RAB18: variants seen among roughly 807,000 people sequenced by gnomAD.
The protein encoded by RAB18 is ras-related protein Rab-18.
In RAB18, 10 loss-of-function variants were observed where a neutral mutation model predicts 28.5. The observed-to-expected ratio is 0.35, with a 90% CI of 0.22 to 0.60. RAB18 has a LOEUF of 0.60. Among genes scored for constraint, RAB18 ranks in the 20% least tolerant of loss-of-function variants. The probability of loss-of-function intolerance (pLI) is 0.78; values close to 1 mark genes in which losing one functional copy is unlikely to be tolerated. For synonymous variants in RAB18, 93 were observed against 86.9 expected (o/e 1.07, Z -0.39); for missense variants, 188 against 244.2 (o/e 0.77, Z 1.53).
intron 2 of RAB18, among the ~76,000 whole-genome samples, chr10:27,515,457 A>C (rs983606997): frequency 6.6e-6 from 1 of 152,188 alleles, no homozygotes; most frequent in Admixed American, 6.5e-5. Context: ...CTATTTTAAG[A>C]CTTATAATTG....
At position 27,506,760 on chromosome 10, in the gene RAB18, G is replaced by A. The variant is rs147075961; in HGVS notation, c.68+2323G>A. On this transcript the variant is annotated intron_variant, in intron 1 of 6. Transcript: ENST00000356940. Reference sequence around the variant, plus strand: ...GACACAAGGCATGACACCCAACCGAGGTTCTCCTTGTAGAGTAAGGCCTGT... The same window carrying A: ...GACACAAGGCATGACACCCAACCGAAGTTCTCCTTGTAGAGTAAGGCCTGT... Among the ~76,000 whole-genome samples the A allele has an allele frequency of 3.4e-3, 517 of 152,162 alleles. 3 individuals are homozygous for A. The highest frequency in any genetic ancestry group is 5.3e-3 in the Non-Finnish European group (361 of 68,020).
Position 27,540,908 on chromosome 10 carries a change from A to G in RAB18, c.*2857A>G. On this transcript the variant is annotated 3_prime_UTR_variant, in exon 7 of 7. Coordinates refer to ENST00000356940, the MANE Select transcript of RAB18 (RefSeq NM_021252.5). ...GGCTAGCACCATAGCTCATAAAAGA[A>G]TCCTTCTTACACCAGTACTTGTTCT... is the stretch of plus-strand genomic sequence containing the variant. 1 of 454,088 alleles carries G rather than the reference A, an allele frequency of 2.2e-6. No homozygotes were observed. The highest frequency in any genetic ancestry group is 4.4e-6 in the Non-Finnish European group (1 of 226,776). 28.1% of individuals were successfully genotyped at this position (454,088 alleles called of 1,614,324 possible). A position where few individuals can be genotyped will look rare whatever the true frequency, so the allele number is the denominator to read the frequency against.
At chr10:27,508,393 T>C (rs1837904436) in intron 1 of RAB18, among the ~76,000 whole-genome samples, 1 of 151,342 alleles carries the variant, frequency 6.6e-6, no homozygotes, top group Admixed American at 6.6e-5. Flanking sequence ...ATATCATCAT[T>C]ATTGTATTAT....
At chr10:27,532,979 G>A (rs533679935) in intron 4 of RAB18, among the ~76,000 whole-genome samples, 3 of 152,122 alleles carry the variant, frequency 2.0e-5, no homozygotes, top group Admixed American at 6.5e-5. Flanking sequence ...ATATCACAAA[G>A]CACTTAACAC....
At chr10:27,525,915 A>G (rs532774511) in intron 2 of RAB18, among the ~76,000 whole-genome samples, 1 of 152,292 alleles carries the variant, frequency 6.6e-6, no homozygotes, top group African/African-American at 2.4e-5. Flanking sequence ...ATTAATTGTG[A>G]CAAGCTAATA....
chr10:27,535,329 C>T (rs571386731), intron 6 of RAB18, among the ~76,000 whole-genome samples: 1 of 152,252 alleles, frequency 6.6e-6, no homozygotes, highest in African/African-American at 2.4e-5. Flanking sequence ...TATTCTTCTT[C>T]TTCTAATGTG....
intron 4 of RAB18, among the ~76,000 whole-genome samples, chr10:27,533,474 A>T (rs1834828083): frequency 6.6e-6 from 1 of 152,018 alleles, no homozygotes; most frequent in Non-Finnish European, 1.5e-5. Flanking sequence ...ATGGGTATTA[A>T]ATGTGTTTTC....
In RAB18 at chr10:27,507,527, C is replaced by T. The variant is rs57810390; in HGVS notation, c.69-2348C>T. Among the ~76,000 whole-genome samples, 613 of 149,600 alleles carry T rather than the reference C, an allele frequency of 4.1e-3. 2 individuals carry two copies. Among genetic ancestry groups the T allele is most frequent in the African/African-American group, 0.014 (566 of 40,844 alleles). On this transcript the variant is annotated intron_variant, in intron 1 of 6. Coordinates refer to ENST00000356940, the MANE Select transcript of RAB18 (RefSeq NM_021252.5). ...ACCTATTATCTAAATTGCTGTCCCT[C>T]CTTTGCCCCTTGCCTTCCCTTTTTT...
chr10:27,532,181 A>G (rs1378800597), intron 3 of RAB18, among the ~76,000 whole-genome samples: 1 of 152,018 alleles, frequency 6.6e-6, no homozygotes, highest in East Asian at 1.9e-4. Flanking sequence ...AATTTTTTGG[A>G]AGCTAGACTC....
chr10:27,528,876 T>C (rs61486615), intron 3 of RAB18, among the ~76,000 whole-genome samples: 5,579 of 152,214 alleles, frequency 0.037, 317 homozygotes, highest in African/African-American at 0.13. Flanking sequence ...TCTACTGTTA[T>C]CATTCTTTCT....
intron 3 of RAB18, chr10:27,531,514 T>G (rs1834787370): frequency 6.5e-7 from 1 of 1,537,020 alleles, no homozygotes; most frequent in Admixed American, 2.0e-5. Context: ...TGTTTTTACT[T>G]TTACTTTTCT....
chr10:27,507,991 TG>T (rs1381181141), intron 1 of RAB18, among the ~76,000 whole-genome samples: 2 of 150,572 alleles, frequency 1.3e-5, no homozygotes, highest in African/African-American at 4.9e-5. Flanking sequence ...CATTCCAGCC[TG>T]GGTGACAGAG....
In RAB18 at chr10:27,518,505, T is replaced by C. The variant is rs532723287; in HGVS notation, c.125-8323T>C. Among the ~76,000 whole-genome samples, 13 of 152,320 alleles carry C rather than the reference T, an allele frequency of 8.5e-5. No homozygotes were observed. The South Asian group carries it at 2.7e-3, about 32-fold the overall frequency. The stretch of plus-strand genomic sequence containing the variant: ...GTTTAATTTGAATTTTGCTAATGAC[T>C]AATGAGGTTGAGTATCTTTTTAACG... On this transcript the variant is annotated intron_variant, in intron 2 of 6. Coordinates refer to ENST00000356940, the MANE Select transcript of RAB18 (RefSeq NM_021252.5).
chr10:27,517,336 C>G (rs1834456465), intron 2 of RAB18, among the ~76,000 whole-genome samples: 1 of 151,902 alleles, frequency 6.6e-6, no homozygotes, highest in Non-Finnish European at 1.5e-5. Context: ...GCACTGCAGC[C>G]TGGGCGACAG....
rs36085130 is a variant in RAB18 at position 27,541,344 on chromosome 10, C to CT, written c.*3308dup. The CT allele has an allele frequency of 1.1e-3, 444 of 421,534 alleles. 1 individual carries two copies. Among genetic ancestry groups the CT allele is most frequent in the East Asian group, 6.2e-3 (87 of 14,044 alleles). 26.1% of individuals were successfully genotyped at this position (421,534 alleles called of 1,614,324 possible). On this transcript the variant is annotated 3_prime_UTR_variant, in exon 7 of 7. Transcript: ENST00000356940. ...CTAAGGAATATAGAATCACCCAGGTCTTTTTTTTTTTTTTTAATTTTTCTC... is the reference window on the plus strand; with the variant it reads ...CTAAGGAATATAGAATCACCCAGGTCTTTTTTTTTTTTTTTTAATTTTTCTC...
intron 2 of RAB18, among the ~76,000 whole-genome samples, chr10:27,517,191 T>C (rs2505308): frequency 0.79 from 120,008 of 151,802 alleles, 47,771 homozygotes; most frequent in Non-Finnish European, 0.84. Flanking sequence ...GGTGAAACCC[T>C]GTCTCTACTA....
chr10:27,536,069 G>C (rs1001917528), intron 6 of RAB18, among the ~76,000 whole-genome samples: 6 of 117,814 alleles, frequency 5.1e-5, no homozygotes, highest in Non-Finnish European at 1.2e-4. Flanking sequence ...GCGACAGAGC[G>C]AGACTCTGTC....
intron 2 of RAB18, among the ~76,000 whole-genome samples, chr10:27,523,309 T>C (rs1043849371): frequency 2.3e-4 from 34 of 149,974 alleles, no homozygotes; most frequent in Non-Finnish European, 2.8e-4. Context: ...TATTGAGCTT[T>C]TTTGATCTGT....
At chr10:27,508,157 A>G (rs1180118889) in intron 1 of RAB18, among the ~76,000 whole-genome samples, 3 of 152,230 alleles carry the variant, frequency 2.0e-5, no homozygotes, top group East Asian at 1.9e-4. Flanking sequence ...AAATGCACAC[A>G]TAGAATTTAG....
Sources: allele counts gnomAD v4.1 joint callset (sites outside exome capture counted in the v4.1 genomes callset), GRCh38; gene constraint gnomAD v4.1.1; transcripts MANE v1.5; gene names NCBI Gene and HGNC (gene_info 2026-07-23, HGNC 2026-07-21).